Variants in ZGRF1 observed in about 807,000 individuals in gnomAD.
ZGRF1 encodes 5'-3' DNA helicase ZGRF1.
ZGRF1 carries 196 observed loss-of-function variants against 203.5 expected under a neutral mutation model. The ratio of observed to expected loss-of-function variants is 0.96; its 90% CI spans 0.86 to 1.08. The LOEUF is 1.08. Among genes scored for constraint, ZGRF1 ranks in the 50% least tolerant of loss-of-function variants. The pLI, the probability that ZGRF1 is intolerant of heterozygous loss-of-function variation, is 0.00. For missense variants in ZGRF1, 2,326 were observed against 2,416.3 expected, an observed-to-expected ratio of 0.96 and a Z score of 0.78; for synonymous variants, 809 against 841.3, an observed-to-expected ratio of 0.96 and a Z score of 0.66.
intron 11 of ZGRF1, among the ~76,000 whole-genome samples, chr4:112,588,165 TCTC>T (rs984704382): frequency 2.6e-5 from 4 of 152,048 alleles, no homozygotes; most frequent in Non-Finnish European, 4.4e-5. Flanking sequence ...CTCTTTTTCT[TCTC>T]CTCCTTTTTT....
intron 8 of ZGRF1, 140 bp downstream of exon 8, chr4:112,609,239 G>A (rs766596367): frequency 1.7e-4 from 44 of 259,910 alleles, no homozygotes; most frequent in Non-Finnish European, 3.2e-4. Context: ...AGTTTTGGTA[G>A]AGACGGGGTT....
chr4:112,569,149 A>C lies in ZGRF1; in HGVS notation c.4439-5875T>G, dbSNP rs978481597. Among the ~76,000 whole-genome samples the C allele has an allele frequency of 2.0e-5, 3 of 152,372 alleles. No individual in the cohort carries two copies. The East Asian group carries it at 5.8e-4, about 29-fold the overall frequency. On this transcript the variant is annotated intron_variant, in intron 16 of 27. Coordinates refer to ENST00000505019, the MANE Select transcript of ZGRF1 (RefSeq NM_018392.5). The stretch of plus-strand genomic sequence containing the variant: ...AGGTTGAAAGTATTAAAGGAAAAGA[A>C]CTTAGAACCTAAAATTTTATATGTA...
intron 9 of ZGRF1, among the ~76,000 whole-genome samples, chr4:112,605,307 T>C (rs1750609062): frequency 1.3e-5 from 2 of 152,174 alleles, no homozygotes; most frequent in Admixed American, 1.3e-4. Flanking sequence ...ACTACAGGTG[T>C]GTACCACCAC....
chr4:112,553,935 T>A lies in ZGRF1; in HGVS notation c.5246A>T (p.His1749Leu). Reference protein sequence around the residue: ...ENESEQLKELHALMKEDLTPT... With the variant: ...ENESEQLKELLALMKEDLTPT... ...AGTCAGGTCTTCTTTCATTAGTGCATGTAGTTCTTTTAACTGTTCACTTTC... is the reference window on the plus strand; with the variant it reads ...AGTCAGGTCTTCTTTCATTAGTGCAAGTAGTTCTTTTAACTGTTCACTTTC... The change falls in exon 22 of 28, where the codon CAT becomes CTT. Residue 1749 changes from histidine (H) to leucine (L), a missense_variant. His to Leu is a moderately conservative substitution (Grantham distance 99). Coordinates refer to ENST00000505019, the MANE Select transcript of ZGRF1 (RefSeq NM_018392.5). 1 of 1,613,142 alleles carries A rather than the reference T, an allele frequency of 6.2e-7. No homozygotes were observed. Among genetic ancestry groups the A allele is most frequent in the Non-Finnish European group, 8.5e-7 (1 of 1,179,636 alleles).
At chr4:112,570,913 G>A (rs1744088061) in intron 16 of ZGRF1, among the ~76,000 whole-genome samples, 1 of 152,032 alleles carries the variant, frequency 6.6e-6, no homozygotes, top group Admixed American at 6.6e-5. Flanking sequence ...GACCAACCTG[G>A]CCACCATGGT....
At chr4:112,591,610 C>T (rs969750583) in intron 10 of ZGRF1, among the ~76,000 whole-genome samples, 1 of 152,194 alleles carries the variant, frequency 6.6e-6, no homozygotes, top group Non-Finnish European at 1.5e-5. Context: ...TCACTCACTC[C>T]ATGGCAGCCT....
chr4:112,629,466 T>C (rs1438561124), intron 3 of ZGRF1, among the ~76,000 whole-genome samples: 1 of 151,792 alleles, frequency 6.6e-6, no homozygotes, highest in Non-Finnish European at 1.5e-5. Flanking sequence ...AGCTCAGGAG[T>C]TTGAGACCAG....
intron 6 of ZGRF1, 113 bp from the exon 7 acceptor site, chr4:112,612,701 A>G: frequency 1.6e-6 from 1 of 614,806 alleles, no homozygotes; most frequent in East Asian, 3.0e-5. Flanking sequence ...AAGATCAGAC[A>G]ATCTTGGTAA....
At chr4:112,629,919 T>C in intron 3 of ZGRF1, 1 of 303,938 alleles carries the variant, frequency 3.3e-6, no homozygotes, top group South Asian at 2.6e-5. Context: ...CTCAGGAGGC[T>C]GAGGCAGGAT....
Position 112,558,277 on chromosome 4 carries a change from C to A in ZGRF1, c.4993G>T (p.Ala1665Ser). 1.3e-6 allele frequency: 2 copies of A among 1,580,828 alleles called. No individual in the cohort carries two copies. The highest frequency in any genetic ancestry group is 2.4e-5 in the South Asian group (2 of 84,012). The change falls in exon 20 of 28, where the codon GCA (alanine) becomes TCA (serine). Residue 1665 changes from alanine (A) to serine (S), a missense_variant. Transcript: ENST00000505019. ...TGTACAAAGAACAAAATCACCACTG[C>A]CAGCAAGTAACTCTTTCCTGCTCCA... ...VFGAGKSYLL[A>S]VVILFFVQLF...
At chr4:112,635,668 G>A (rs2047586709) in intron 1 of ZGRF1, among the ~76,000 whole-genome samples, 2 of 148,948 alleles carry the variant, frequency 1.3e-5, no homozygotes, top group East Asian at 1.9e-4. Flanking sequence ...TATGATTATC[G>A]TGTGTAATTA....
chr4:112,575,576 C>T (rs1012335520), intron 16 of ZGRF1, among the ~76,000 whole-genome samples: 1 of 152,212 alleles, frequency 6.6e-6, no homozygotes, highest in East Asian at 1.9e-4. Flanking sequence ...GTCACTCCCA[C>T]TCTAATACTG....
chr4:112,627,028 C>T (rs28377185), intron 3 of ZGRF1, among the ~76,000 whole-genome samples: 23,229 of 152,118 alleles, frequency 0.15, 2,069 homozygotes, highest in East Asian at 0.42. Context: ...CTGGCCTGGT[C>T]TCAAACTCCT....
chr4:112,622,289 C>T (rs7693008), intron 4 of ZGRF1, among the ~76,000 whole-genome samples: 59,444 of 150,850 alleles, frequency 0.39, 11,932 homozygotes, highest in South Asian at 0.49. Context: ...GAGGCCAAGG[C>T]ACGTGGATCA....
chr4:112,565,270 G>A, intron 16 of ZGRF1: 1 of 1,560,008 alleles, frequency 6.4e-7, no homozygotes, highest in Non-Finnish European at 8.8e-7. Flanking sequence ...TGCTTTGCAG[G>A]AGGCAAGTGA....
At chr4:112,631,125 C>G (rs2149211627) in intron 3 of ZGRF1, among the ~76,000 whole-genome samples, 1 of 152,240 alleles carries the variant, frequency 6.6e-6, no homozygotes, top group South Asian at 2.1e-4. Context: ...TTATGCCTAG[C>G]ATATAATAAG....
chr4:112,558,909 G>A (rs920801851), intron 19 of ZGRF1, among the ~76,000 whole-genome samples: 70 of 152,346 alleles, frequency 4.6e-4, no homozygotes, highest in African/African-American at 1.5e-3. Context: ...TCTCTGTTTT[G>A]ATGGAGGTGG....
At chr4:112,609,807 G>GA (rs1281366426) in intron 7 of ZGRF1, among the ~76,000 whole-genome samples, 1,519 of 119,318 alleles carry the variant, frequency 0.013, 23 homozygotes, top group African/African-American at 0.043. Flanking sequence ...TCAAAACGAA[G>GA]AAAAAAAAAA....
At chr4:112,603,373 GTTA>G (rs941790989) in intron 10 of ZGRF1, 148 bp downstream of exon 10, 1 of 504,864 alleles carries the variant, frequency 2.0e-6, no homozygotes, top group Non-Finnish European at 3.5e-6. Context: ...AAATACTTTT[GTTA>G]TTTAGTTTTG....
Sources: gnomAD v4.1 joint callset for allele counts (sites outside exome capture counted in the v4.1 genomes callset) on GRCh38, gnomAD v4.1.1 for gene constraint, MANE v1.5 for transcripts, NCBI Gene and HGNC (gene_info 2026-07-23, HGNC 2026-07-21) for gene names.